Variants in NEGR1 observed in about 807,000 individuals in gnomAD.
NEGR1 encodes IgLON family member 4.
Under a neutral mutation model 40.9 loss-of-function variants are expected in NEGR1, and 10 were observed. The observed-to-expected ratio is 0.24, with a 90% confidence interval of 0.15 to 0.42. The LOEUF (loss-of-function observed/expected upper bound fraction) is 0.42, where lower values mean the gene tolerates loss of function less well. Ranked by LOEUF, NEGR1 falls within the 10% of genes least tolerant of loss-of-function variation. The probability of loss-of-function intolerance (pLI) is 1.00; values close to 1 mark genes in which losing one functional copy is unlikely to be tolerated. For synonymous variants in NEGR1, 185 were observed against 166.8 expected, an observed-to-expected ratio of 1.11 and a Z score of -0.84; for missense variants, 352 against 438.9, an observed-to-expected ratio of 0.80 and a Z score of 1.77.
intron 1 of NEGR1, among the ~76,000 whole-genome samples, chr1:71,943,528 T>C (rs2100255654): frequency 6.6e-6 from 1 of 152,160 alleles, no homozygotes; most frequent in East Asian, 1.9e-4. Context: ...CAAGCAAGAA[T>C]ATATGTCTGT....
At chr1:72,280,899 A>T (rs1053183991) in intron 1 of NEGR1, among the ~76,000 whole-genome samples, 5 of 152,158 alleles carry the variant, frequency 3.3e-5, no homozygotes, top group African/African-American at 1.2e-4. Flanking sequence ...CCCAGTGGAG[A>T]AAAAGAAGAT....
chr1:71,711,605 A>C (rs1654094733), intron 3 of NEGR1, among the ~76,000 whole-genome samples: 1 of 152,146 alleles, frequency 6.6e-6, no homozygotes, highest in African/African-American at 2.4e-5. Context: ...TTTTCATAAA[A>C]CTGAACATTC....
At chr1:71,984,808 T>C (rs1472382967) in intron 1 of NEGR1, among the ~76,000 whole-genome samples, 1 of 152,164 alleles carries the variant, frequency 6.6e-6, no homozygotes, top group Non-Finnish European at 1.5e-5. Context: ...AGGCCAGAAT[T>C]CTAGGTCTGT....
chr1:71,727,984 ATAACAAAGTTTGGCT>A (rs1358959116), intron 3 of NEGR1, among the ~76,000 whole-genome samples: 1 of 152,192 alleles, frequency 6.6e-6, no homozygotes, highest in Non-Finnish European at 1.5e-5. Context: ...AAAGTTTGGC[ATAACAAAGTTTGGCT>A]AAGCAAGAAG....
At chr1:71,503,269 A>G (rs1647010687) in intron 6 of NEGR1, among the ~76,000 whole-genome samples, 1 of 152,138 alleles carries the variant, frequency 6.6e-6, no homozygotes, top group Non-Finnish European at 1.5e-5. Flanking sequence ...ATAAAATCCC[A>G]TCCTCATAGG....
intron 4 of NEGR1, among the ~76,000 whole-genome samples, chr1:71,681,838 T>G (rs980185069): frequency 5.9e-5 from 9 of 152,076 alleles, no homozygotes; most frequent in Admixed American, 5.9e-4. Context: ...TTCCATTTAA[T>G]TTTTTTTAGG....
intron 3 of NEGR1, among the ~76,000 whole-genome samples, chr1:71,747,442 T>C (rs1349288960): frequency 6.6e-6 from 1 of 151,374 alleles, no homozygotes; most frequent in East Asian, 1.9e-4. Context: ...TTTTTTTTTT[T>C]CAGACAGAGT....
At chr1:72,237,426 GCA>G (rs1489580781) in intron 1 of NEGR1, among the ~76,000 whole-genome samples, 1 of 151,822 alleles carries the variant, frequency 6.6e-6, no homozygotes, top group Admixed American at 6.6e-5. Context: ...CAACATAAAG[GCA>G]CCAACAGATT....
intron 2 of NEGR1, among the ~76,000 whole-genome samples, chr1:71,791,117 G>A (rs1657098581): frequency 1.3e-5 from 2 of 151,990 alleles, no homozygotes; most frequent in Non-Finnish European, 2.9e-5. Flanking sequence ...AAACAAAACT[G>A]TATAAATAGA....
chr1:71,597,460 C>CTGTGTGTGTG lies in NEGR1; in HGVS notation c.789-4493_789-4492insCACACACACA, dbSNP rs1185213578. 3.6e-3 allele frequency among the ~76,000 whole-genome samples: 236 copies of CTGTGTGTGTG among 64,716 alleles called. 2 individuals are homozygous for CTGTGTGTGTG. Among genetic ancestry groups the CTGTGTGTGTG allele is most frequent in the African/African-American group, 0.013 (224 of 17,122 alleles). 42.5% of individuals were successfully genotyped at this position (64,716 alleles called of 152,430 possible). A position where few individuals can be genotyped will look rare whatever the true frequency, so the allele number is the denominator to read the frequency against. On this transcript the variant is annotated intron_variant, in intron 5 of 6. Transcript: ENST00000357731. ...TCTCTCTCTCTCTCTCTCTCTCTCT[C>CTGTGTGTGTG]TCTCTCTCTCTCTGTGTGTGTGTGT...
intron 3 of NEGR1, among the ~76,000 whole-genome samples, chr1:71,734,936 A>G (rs1320284158): frequency 6.6e-6 from 1 of 151,780 alleles, no homozygotes; most frequent in Non-Finnish European, 1.5e-5. Context: ...TTTCCATTTA[A>G]TTACAGTCAT....
chr1:71,995,715 A>T (rs1247976126), intron 1 of NEGR1, among the ~76,000 whole-genome samples: 1 of 152,202 alleles, frequency 6.6e-6, no homozygotes, highest in Non-Finnish European at 1.5e-5. Flanking sequence ...CCATGTATGA[A>T]TAATTGTAGC....
intron 6 of NEGR1, among the ~76,000 whole-genome samples, chr1:71,496,301 G>GA (rs1646962673): frequency 6.6e-6 from 1 of 152,136 alleles, no homozygotes; most frequent in South Asian, 2.1e-4. Flanking sequence ...TAAAAGGGCA[G>GA]AAATGGGCTC....
intron 1 of NEGR1, among the ~76,000 whole-genome samples, chr1:72,146,016 G>A (rs1404420993): frequency 3.1e-4 from 2 of 6,384 alleles, no homozygotes; most frequent in South Asian, 0.083. Context: ...CACATGCTGT[G>A]TATTTCTCTC....
intron 2 of NEGR1, among the ~76,000 whole-genome samples, chr1:71,836,383 C>T (rs1335737732): frequency 6.7e-5 from 10 of 150,082 alleles, no homozygotes; most frequent in Non-Finnish European, 1.3e-4. Context: ...AAGCCGAGAT[C>T]GCATCATTGC....
intron 1 of NEGR1, among the ~76,000 whole-genome samples, chr1:72,180,972 G>A (rs1468363918): frequency 6.6e-6 from 1 of 152,060 alleles, no homozygotes; most frequent in East Asian, 1.9e-4. Context: ...TGCTGATGGT[G>A]CACCATGTCT....
At chr1:72,004,397 C>T (rs142094549) in intron 1 of NEGR1, among the ~76,000 whole-genome samples, 1 of 152,090 alleles carries the variant, frequency 6.6e-6, no homozygotes, top group Non-Finnish European at 1.5e-5. Flanking sequence ...ACCCCTGCCT[C>T]CCGGGTTCAA....
intron 1 of NEGR1, among the ~76,000 whole-genome samples, chr1:72,271,880 T>C (rs1213535362): frequency 6.6e-6 from 1 of 151,826 alleles, no homozygotes; most frequent in Non-Finnish European, 1.5e-5. Context: ...CAGGGCCTTC[T>C]GCTTTTGCTT....
chr1:71,578,712 G>C (rs1353000380), intron 6 of NEGR1, among the ~76,000 whole-genome samples: 1 of 152,052 alleles, frequency 6.6e-6, no homozygotes, highest in Non-Finnish European at 1.5e-5. Flanking sequence ...ATGAATTAAT[G>C]AATAGACTAA....
Sources: gnomAD v4.1 joint callset for allele counts (sites outside exome capture counted in the v4.1 genomes callset) on GRCh38, gnomAD v4.1.1 for gene constraint, MANE v1.5 for transcripts, NCBI Gene and HGNC (gene_info 2026-07-23, HGNC 2026-07-21) for gene names.